Variants in RPS6KA2 observed in about 807,000 individuals in gnomAD.
RPS6KA2 encodes ribosomal protein S6 kinase alpha-2.
A neutral mutation model predicts 91.8 loss-of-function variants in RPS6KA2; 42 were observed. The observed-to-expected ratio is 0.46, with a 90% CI of 0.36 to 0.59. The LOEUF is 0.59. Among genes scored for constraint, RPS6KA2 ranks in the 20% least tolerant of loss-of-function variants. RPS6KA2 has a pLI of 0.00. For missense variants in RPS6KA2, 798 were observed against 978.5 expected (o/e 0.82, Z 2.46); for synonymous variants, 414 against 393.6 (o/e 1.05, Z -0.61).
chr6:166,413,820 T>C lies in RPS6KA2; in HGVS notation c.2050A>G (p.Ser684Gly). The change falls in exon 20 of 21, where the codon AGC (serine) becomes GGC (glycine). Residue 684 changes from serine to glycine, a missense_variant. Coordinates refer to ENST00000265678, the MANE Select transcript of RPS6KA2 (RefSeq NM_021135.6). Reference sequence around the variant, plus strand: ...TTCACCAGGTGCACGTCCTGTCGGCTGAGCTGGTTTGGGGACAGGTACTCT... The same window carrying C: ...TTCACCAGGTGCACGTCCTGTCGGCCGAGCTGGTTTGGGGACAGGTACTCT... ...NREYLSPNQL[S>G]RQDVHLVKGA... is the part of the protein sequence containing the mutation. 6.2e-7 allele frequency: 1 copy of C among 1,614,176 alleles called. No homozygotes were observed. Among genetic ancestry groups the C allele is most frequent in the African/African-American group, 1.3e-5 (1 of 75,062 alleles).
intron 10 of RPS6KA2, among the ~76,000 whole-genome samples, chr6:166,471,186 G>A (rs930577383): frequency 6.6e-6 from 1 of 152,218 alleles, no homozygotes; most frequent in Admixed American, 6.5e-5. Flanking sequence ...CTGGAAGAGC[G>A]GGGCTGCCCG....
At chr6:166,858,027 G>A in intron 2 of RPS6KA2, 1 of 594,916 alleles carries the variant, frequency 1.7e-6, no homozygotes, top group Non-Finnish European at 3.0e-6. Context: ...ATAAGCACAT[G>A]ATATGTACAT....
intron 1 of RPS6KA2, among the ~76,000 whole-genome samples, chr6:166,596,357 A>C (rs1484368130): frequency 6.6e-6 from 1 of 152,170 alleles, no homozygotes; most frequent in Non-Finnish European, 1.5e-5. Flanking sequence ...AACTCGGTGA[A>C]CTGGGAGAGG....
At chr6:166,721,320 G>A (rs1790167776) in intron 2 of RPS6KA2, among the ~76,000 whole-genome samples, 1 of 152,158 alleles carries the variant, frequency 6.6e-6, no homozygotes, top group African/African-American at 2.4e-5. Flanking sequence ...ATACCGGAGA[G>A]GCAAAGTTAC....
intron 3 of RPS6KA2, among the ~76,000 whole-genome samples, chr6:166,519,167 T>C (rs1782761177): frequency 6.6e-6 from 1 of 152,300 alleles, no homozygotes; most frequent in East Asian, 1.9e-4. Flanking sequence ...GATCTAGATG[T>C]ATAAAAAAGA....
At chr6:166,668,961 G>A (rs989550140) in intron 2 of RPS6KA2, among the ~76,000 whole-genome samples, 12 of 150,344 alleles carry the variant, frequency 8.0e-5, no homozygotes, top group African/African-American at 2.9e-4. Flanking sequence ...GATCACCACG[G>A]CTCCCTGTAG....
chr6:166,452,554 AT>A (rs1447224640), intron 12 of RPS6KA2, among the ~76,000 whole-genome samples: 1 of 152,228 alleles, frequency 6.6e-6, no homozygotes, highest in Admixed American at 6.5e-5. Flanking sequence ...AACTAGAAGC[AT>A]CACATTACCT....
chr6:166,506,662 G>C (rs1782237235), intron 5 of RPS6KA2, among the ~76,000 whole-genome samples: 1 of 152,214 alleles, frequency 6.6e-6, no homozygotes, highest in Non-Finnish European at 1.5e-5. Flanking sequence ...GACGCAGAGG[G>C]ACAGGGCAGC....
chr6:166,425,839 A>G (rs1484984404), intron 16 of RPS6KA2, among the ~76,000 whole-genome samples: 3 of 152,228 alleles, frequency 2.0e-5, no homozygotes, highest in Non-Finnish European at 1.5e-5. Context: ...TTAGACTCCC[A>G]CACAATAATA....
chr6:166,496,397 T>A (rs1025204062), intron 8 of RPS6KA2, among the ~76,000 whole-genome samples: 4 of 148,824 alleles, frequency 2.7e-5, no homozygotes, highest in African/African-American at 7.5e-5. Context: ...AGAAAAAAAA[T>A]TAAATATATA....
chr6:166,761,265 G>C lies in RPS6KA2; in HGVS notation c.123+96935C>G, dbSNP rs573696091. Among the ~76,000 whole-genome samples the C allele has an allele frequency of 6.6e-5, 10 of 152,218 alleles. No individual in the cohort carries two copies. In the Middle Eastern group the frequency reaches 0.01, roughly 155 times the overall value. ...TCACCATGTTGCCCGGGCTGGTCTC[G>C]AACTCCTGACCTCAAGTGATCTGCC... On this transcript the variant is annotated intron_variant, in intron 2 of 21. Coordinates refer to the RPS6KA2 transcript ENST00000503859.
intron 10 of RPS6KA2, among the ~76,000 whole-genome samples, chr6:166,486,084 C>T (rs1385505370): frequency 6.6e-6 from 1 of 152,202 alleles, no homozygotes; most frequent in Non-Finnish European, 1.5e-5. Flanking sequence ...GGCTGTGACC[C>T]TGGCTAACGA....
chr6:166,731,875 A>C (rs767411701), intron 2 of RPS6KA2, among the ~76,000 whole-genome samples: 2 of 152,058 alleles, frequency 1.3e-5, no homozygotes, highest in Non-Finnish European at 2.9e-5. Flanking sequence ...CGGGGCCATC[A>C]CCTCAGTCTA....
At position 166,498,754 on chromosome 6, in the gene RPS6KA2, C is replaced by A. The variant is rs570862055; in HGVS notation, c.605-104G>T. 2.6e-5 allele frequency: 37 copies of A among 1,413,674 alleles called. No homozygotes were observed. In the African/African-American group the frequency reaches 5.1e-4, roughly 20 times the overall value. 87.6% of individuals were successfully genotyped at this position (1,413,674 alleles called of 1,614,324 possible). A position where few individuals can be genotyped will look rare whatever the true frequency, so the allele number is the denominator to read the frequency against. ...CCTTCTGTGGGCTCTGCCCCCTCTCCAGGTGGGCGCAGCAGAGCCCTGCTC... is the reference window on the plus strand; with the variant it reads ...CCTTCTGTGGGCTCTGCCCCCTCTCAAGGTGGGCGCAGCAGAGCCCTGCTC... On this transcript the variant is annotated intron_variant, in intron 7 of 20. Transcript: ENST00000265678.
At chr6:166,415,593 C>T (rs1279707410) in intron 19 of RPS6KA2, among the ~76,000 whole-genome samples, 1 of 152,054 alleles carries the variant, frequency 6.6e-6, no homozygotes, top group Non-Finnish European at 1.5e-5. Flanking sequence ...TGCCCTTGTC[C>T]TTGACTTTGC....
In RPS6KA2 at chr6:166,563,102, G is replaced by C. The variant is rs977216226; in HGVS notation, c.100-24318C>G. 3.3e-5 allele frequency among the ~76,000 whole-genome samples: 5 copies of C among 152,254 alleles called. No individual in the cohort carries two copies. Among genetic ancestry groups the C allele is most frequent in the African/African-American group, 1.2e-4 (5 of 41,472 alleles). ...CTTTTAGTCCTTGGAGTCCCTTCCAGTGTGTGGAAGAGATCCAGCCTGCAA... is the reference window on the plus strand; with the variant it reads ...CTTTTAGTCCTTGGAGTCCCTTCCACTGTGTGGAAGAGATCCAGCCTGCAA... On this transcript the variant is annotated intron_variant, in intron 1 of 20. Coordinates refer to ENST00000265678, the MANE Select transcript of RPS6KA2 (RefSeq NM_021135.6). The surrounding 1 kb of genome is among the most constrained non-coding windows in gnomAD (Gnocchi z 4.1).
chr6:166,599,144 G>A (rs960476843), intron 1 of RPS6KA2, among the ~76,000 whole-genome samples: 1 of 152,232 alleles, frequency 6.6e-6, no homozygotes, highest in Non-Finnish European at 1.5e-5. Context: ...AGAAGCACTG[G>A]ATTGGTATCA....
chr6:166,586,225 G>A (rs1300040060), intron 1 of RPS6KA2: 50 of 1,592,450 alleles, frequency 3.1e-5, no homozygotes, highest in East Asian at 1.3e-4. Context: ...CCCCAGGATC[G>A]TCCATGCCAC....
At chr6:166,537,964 C>T (rs998495442) in intron 2 of RPS6KA2, among the ~76,000 whole-genome samples, 5 of 152,280 alleles carry the variant, frequency 3.3e-5, no homozygotes, top group Middle Eastern at 3.4e-3. Context: ...TGTATGTGGA[C>T]GTGGCATTAA....
Sources: gnomAD v4.1 joint callset for allele counts (sites outside exome capture counted in the v4.1 genomes callset) on GRCh38, gnomAD v4.1.1 for gene constraint, Gnocchi (gnomAD v3.1) non-coding constraint, MANE v1.5 for transcripts, NCBI Gene and HGNC (gene_info 2026-07-23, HGNC 2026-07-21) for gene names.